GOLM2: variants seen among roughly 807,000 people sequenced by gnomAD.
The protein encoded by GOLM2 is protein GOLM2.
Under a neutral mutation model 55.9 loss-of-function variants are expected in GOLM2, and 26 were observed. That is an observed-to-expected ratio of 0.47 (90% CI 0.34 to 0.65). The LOEUF (loss-of-function observed/expected upper bound fraction) is 0.65, where lower values mean the gene tolerates loss of function less well. Ranked by LOEUF, GOLM2 falls within the 30% of genes least tolerant of loss-of-function variation. GOLM2 has a pLI of 0.01. For missense variants in GOLM2, 486 were observed against 531.8 expected (o/e 0.91, Z 0.85); for synonymous variants, 165 against 194.6 (o/e 0.85, Z 1.27).
At chr15:44,350,412 G>T (rs1427155370) in intron 6 of GOLM2, among the ~76,000 whole-genome samples, 1 of 152,148 alleles carries the variant, frequency 6.6e-6, no homozygotes, top group East Asian at 1.9e-4. Flanking sequence ...AGTCTACTAA[G>T]ATAGAACCAT....
intron 8 of GOLM2, among the ~76,000 whole-genome samples, chr15:44,388,273 C>CAAAAAA (rs35283840): frequency 2.9e-5 from 2 of 68,602 alleles, no homozygotes; most frequent in African/African-American, 5.2e-5. Flanking sequence ...GACCCTGTCT[C>CAAAAAA]AAAAAAAAAA....
chr15:44,368,349 A>C (rs1004806849), intron 6 of GOLM2, among the ~76,000 whole-genome samples: 8 of 127,170 alleles, frequency 6.3e-5, no homozygotes, highest in Non-Finnish European at 9.7e-5. Context: ...ACGGGGTTTC[A>C]CCATGTTGGT....
At chr15:44,353,667 A>C (rs1409705385) in intron 6 of GOLM2, among the ~76,000 whole-genome samples, 1 of 152,184 alleles carries the variant, frequency 6.6e-6, no homozygotes, top group Non-Finnish European at 1.5e-5. Flanking sequence ...AGGTGAAATA[A>C]GCCAGACACA....
At position 44,339,367 on chromosome 15, in the gene GOLM2, C is replaced by G. The variant is rs181729319; in HGVS notation, c.802+1050C>G. Among the ~76,000 whole-genome samples the G allele has an allele frequency of 3.9e-5, 6 of 152,220 alleles. No homozygotes were observed. In the East Asian group the frequency reaches 1.2e-3, roughly 29 times the overall value. ...TAATTAATTAATTTTGAGATACAGT[C>G]TCTCTCTGTTGCCCAGGCTGGAGTG... On this transcript the variant is annotated intron_variant, in intron 6 of 9. Transcript: ENST00000299957.
At chr15:44,310,438 T>TTCTCTCTCTCTCTCTCTCTCTCTCTCTC (rs778563022) in intron 1 of GOLM2, among the ~76,000 whole-genome samples, 6 of 136,614 alleles carry the variant, frequency 4.4e-5, no homozygotes, top group African/African-American at 1.7e-4. Flanking sequence ...GAGTCTCTCT[T>TTCTCTCTCTCTCTCTCTCTCTCTCTCTC]TCTCTCTCTC....
chr15:44,335,841 G>A (rs1444011324), intron 4 of GOLM2, among the ~76,000 whole-genome samples: 8 of 140,890 alleles, frequency 5.7e-5, no homozygotes, highest in African/African-American at 2.1e-4. Flanking sequence ...CTGAGACAGA[G>A]TCTTGCTTTG....
intron 1 of GOLM2, among the ~76,000 whole-genome samples, chr15:44,317,986 A>G (rs1259444967): frequency 6.6e-6 from 1 of 152,176 alleles, no homozygotes; most frequent in East Asian, 1.9e-4. Context: ...TGATTCTATT[A>G]GTTTAGACCA....
intron 8 of GOLM2, among the ~76,000 whole-genome samples, chr15:44,387,936 ATTTCT>A (rs1322004570): frequency 6.6e-6 from 1 of 151,704 alleles, no homozygotes; most frequent in Non-Finnish European, 1.5e-5. Flanking sequence ...TATAAAAATC[ATTTCT>A]TTTATTCTAT....
chr15:44,344,242 G>C (rs1441132979), intron 6 of GOLM2, among the ~76,000 whole-genome samples: 4 of 148,490 alleles, frequency 2.7e-5, no homozygotes, highest in Non-Finnish European at 4.4e-5. Context: ...CCTGGTGTCA[G>C]AGCGAGACCC....
At chr15:44,385,382 C>T (rs1268940493) in intron 8 of GOLM2, among the ~76,000 whole-genome samples, 2 of 146,318 alleles carry the variant, frequency 1.4e-5, no homozygotes, top group African/African-American at 2.5e-5. Flanking sequence ...CTTCCTTCCC[C>T]CCGCCACTTT....
At chr15:44,359,165 T>A (rs991884179) in intron 6 of GOLM2, among the ~76,000 whole-genome samples, 3 of 149,054 alleles carry the variant, frequency 2.0e-5, no homozygotes, top group African/African-American at 7.4e-5. Flanking sequence ...ATAATAATAA[T>A]AATAAAGAAA....
At chr15:44,392,826 A>G (rs1468915675) in intron 8 of GOLM2, among the ~76,000 whole-genome samples, 1 of 152,202 alleles carries the variant, frequency 6.6e-6, no homozygotes, top group Non-Finnish European at 1.5e-5. Flanking sequence ...ATTTGAGGAA[A>G]TTCATGCATT....
At chr15:44,398,536 C>G (rs2079542146) in intron 8 of GOLM2, among the ~76,000 whole-genome samples, 1 of 151,898 alleles carries the variant, frequency 6.6e-6, no homozygotes. Context: ...TGGATGAAAG[C>G]ATTGTAGATA....
intron 1 of GOLM2, among the ~76,000 whole-genome samples, chr15:44,319,957 G>A (rs1595624174): frequency 6.6e-6 from 1 of 152,284 alleles, no homozygotes. Context: ...TCCTGTTCAA[G>A]TGTACAATTT....
At position 44,414,639 on chromosome 15, in the gene GOLM2, T is replaced by A. The variant is rs1319977249; in HGVS notation, c.*1233T>A. On this transcript the variant is annotated 3_prime_UTR_variant, in exon 10 of 10. Transcript: ENST00000299957. ...TGGTAATTTTAGTGATCTTATTTGA[T>A]TAGACTTTTTCAGAAGTACTAAATA... 2 of 152,232 alleles carry A rather than the reference T, an allele frequency of 1.3e-5. No individual in the cohort carries two copies. The highest frequency in any genetic ancestry group is 2.9e-5 in the Non-Finnish European group (2 of 68,046). 9.4% of individuals were successfully genotyped at this position (152,232 alleles called of 1,614,324 possible).
intron 9 of GOLM2, among the ~76,000 whole-genome samples, chr15:44,408,020 G>A (rs954155547): frequency 1.3e-5 from 2 of 152,260 alleles, no homozygotes; most frequent in Admixed American, 1.3e-4. Flanking sequence ...AAAGTGCTGG[G>A]ATTACGGCGT....
At chr15:44,400,860 C>A (rs1595668203) in intron 8 of GOLM2, among the ~76,000 whole-genome samples, 2 of 152,196 alleles carry the variant, frequency 1.3e-5, no homozygotes, top group African/African-American at 2.4e-5. Flanking sequence ...CGGGCGTGAG[C>A]CACCACGCCT....
At chr15:44,315,053 T>C in intron 1 of GOLM2, among the ~76,000 whole-genome samples, 1 of 152,208 alleles carries the variant, frequency 6.6e-6, no homozygotes, top group Non-Finnish European at 1.5e-5. Flanking sequence ...TGGCTGCTTA[T>C]CAGAATCACG....
In GOLM2 at chr15:44,413,697, AT is replaced by A. The variant is rs1204943595; in HGVS notation, c.*294del. ...ATTTCACATTTTATTGAGCCGACTTATTTCCACAAATAGATAAACAGGACAA... is the reference window on the plus strand; with the variant it reads ...ATTTCACATTTTATTGAGCCGACTTATTCCACAAATAGATAAACAGGACAA... On this transcript the variant is annotated 3_prime_UTR_variant, in exon 10 of 10. Coordinates refer to ENST00000299957, the MANE Select transcript of GOLM2 (RefSeq NM_138423.4). 1.8e-5 allele frequency: 5 copies of A among 270,676 alleles called. No individual in the cohort carries two copies. Among genetic ancestry groups the A allele is most frequent in the African/African-American group, 1.1e-4 (5 of 45,144 alleles). The allele number at this position is 270,676 out of a possible 1,614,324, so 16.8% of individuals were successfully genotyped here. A position where few individuals can be genotyped will look rare whatever the true frequency, so the allele number is the denominator to read the frequency against.
Sources: allele counts gnomAD v4.1 joint callset (sites outside exome capture counted in the v4.1 genomes callset), GRCh38; gene constraint gnomAD v4.1.1; transcripts MANE v1.5; gene names NCBI Gene and HGNC (gene_info 2026-07-23, HGNC 2026-07-21).